The following MLIP variants were observed in gnomAD, a reference collection of about 807,000 sequenced individuals.
The protein encoded by MLIP is muscular LMNA interacting protein.
A neutral mutation model predicts 84.8 loss-of-function variants in MLIP; 79 were observed. The ratio of observed to expected loss-of-function variants is 0.93; its 90% CI spans 0.78 to 1.12. The LOEUF (loss-of-function observed/expected upper bound fraction) is 1.12, where lower values mean the gene tolerates loss of function less well. Ranked by LOEUF, MLIP falls within the 50% of genes most tolerant of loss-of-function variation. The pLI is 0.00. For synonymous variants in MLIP, 504 were observed against 463.0 expected (o/e 1.09, Z -1.14); for missense variants, 1,257 against 1,160.6 (o/e 1.08, Z -1.21).
chr6:54,128,765 AC>A (rs1453124337), intron 3 of MLIP, among the ~76,000 whole-genome samples: 2 of 152,094 alleles, frequency 1.3e-5, no homozygotes, highest in Non-Finnish European at 1.5e-5. Context: ...GAAATCATAA[AC>A]CTCAGTTTTC....
chr6:54,073,887 T>G (rs1766635637), intron 1 of MLIP, among the ~76,000 whole-genome samples: 1 of 152,202 alleles, frequency 6.6e-6, no homozygotes, highest in Non-Finnish European at 1.5e-5. Flanking sequence ...CTTATTATAT[T>G]TAATTACTTA....
chr6:54,063,048 A>G (rs1766058120), intron 1 of MLIP, among the ~76,000 whole-genome samples: 1 of 151,186 alleles, frequency 6.6e-6, no homozygotes, highest in Admixed American at 6.6e-5. Context: ...CTAAAAATAC[A>G]AAAAAAAATT....
At chr6:54,196,014 C>G (rs1001918833) in intron 10 of MLIP, among the ~76,000 whole-genome samples, 3 of 152,076 alleles carry the variant, frequency 2.0e-5, no homozygotes, top group Admixed American at 2.0e-4. Flanking sequence ...ACTCTTTCTT[C>G]TGAGGGTGAA....
intron 11 of MLIP, among the ~76,000 whole-genome samples, chr6:54,221,708 T>C (rs1780232183): frequency 1.8e-5 from 1 of 56,498 alleles, no homozygotes; most frequent in African/African-American, 5.6e-5. Flanking sequence ...TTGTTCAGTT[T>C]ATCATAGATC....
chr6:54,262,818 C>T (rs1005925956), intron 13 of MLIP, among the ~76,000 whole-genome samples: 18 of 152,102 alleles, frequency 1.2e-4, no homozygotes, highest in African/African-American at 4.3e-4. Context: ...GAAATCTCTC[C>T]CCTTATGCTC....
intron 11 of MLIP, among the ~76,000 whole-genome samples, chr6:54,208,051 C>T (rs1271119351): frequency 6.6e-6 from 1 of 151,858 alleles, no homozygotes; most frequent in African/African-American, 2.4e-5. Flanking sequence ...TGGCGTGAAC[C>T]CAGTAGGAGG....
chr6:54,163,148 A>G (rs1051231173), intron 8 of MLIP, among the ~76,000 whole-genome samples: 22 of 152,000 alleles, frequency 1.4e-4, no homozygotes, highest in African/African-American at 5.3e-4. Flanking sequence ...AGCATATATA[A>G]TCATTTCTTA....
intron 1 of MLIP, among the ~76,000 whole-genome samples, chr6:54,112,906 T>C (rs1292007519): frequency 6.6e-6 from 1 of 152,222 alleles, no homozygotes; most frequent in East Asian, 1.9e-4. Flanking sequence ...CTGAAAGTTA[T>C]AGCTGTCAAC....
At chr6:54,073,710 A>T (rs1369686791) in intron 1 of MLIP, among the ~76,000 whole-genome samples, 3 of 152,168 alleles carry the variant, frequency 2.0e-5, no homozygotes, top group African/African-American at 7.2e-5. Flanking sequence ...TGATCCTGAA[A>T]CAGACTTTGA....
intron 12 of MLIP, among the ~76,000 whole-genome samples, chr6:54,242,332 A>T (rs1781794447): frequency 6.6e-6 from 1 of 152,130 alleles, no homozygotes; most frequent in Non-Finnish European, 1.5e-5. Context: ...TTTATTTTCA[A>T]ATTTAGTACG....
At chr6:54,052,987 A>T (rs534844641) in intron 1 of MLIP, among the ~76,000 whole-genome samples, 5 of 152,286 alleles carry the variant, frequency 3.3e-5, no homozygotes, top group Admixed American at 3.3e-4. Flanking sequence ...GTAAATGAAT[A>T]AAAAATATGG....
At chr6:54,161,762 A>G (rs964283594) in intron 8 of MLIP, among the ~76,000 whole-genome samples, 6 of 151,966 alleles carry the variant, frequency 3.9e-5, no homozygotes, top group African/African-American at 1.4e-4. Context: ...AATTATTGTC[A>G]TATTAATTAT....
intron 4 of MLIP, among the ~76,000 whole-genome samples, chr6:54,143,939 A>C (rs1184005820): frequency 6.6e-6 from 1 of 152,174 alleles, no homozygotes; most frequent in Admixed American, 6.6e-5. Flanking sequence ...ATGAAACAAA[A>C]TTATGCATTT....
chr6:54,206,028 T>C (rs1046815680), intron 11 of MLIP, among the ~76,000 whole-genome samples: 4 of 152,144 alleles, frequency 2.6e-5, no homozygotes, highest in South Asian at 2.1e-4. Context: ...GCAAAATTCA[T>C]TGGACTAATG....
At position 54,137,919 on chromosome 6, in the gene MLIP, T is replaced by C. The variant is rs1349276751; in HGVS notation, c.1850T>C (p.Leu617Pro). 2.0e-6 allele frequency: 3 copies of C among 1,536,130 alleles called. No individual in the cohort carries two copies. In the South Asian group the frequency reaches 3.6e-5, roughly 18 times the overall value. The change falls in exon 4 of 14, where the codon CTT becomes CCT. Residue 617 changes from leucine to proline, a missense_variant. Transcript: ENST00000502396. ...AAATGTTTCCATCCTTCCCCAGCTC[T>C]TTCAAGCCTGATAAACAGATCTAAA... ...SEKCFHPSPA[L>P]SSLINRSKRA...
intron 4 of MLIP, among the ~76,000 whole-genome samples, chr6:54,140,734 A>G (rs1290123624): frequency 6.6e-6 from 1 of 152,190 alleles, no homozygotes; most frequent in Non-Finnish European, 1.5e-5. Context: ...TGAGTATAAA[A>G]AACTTATTAA....
At chr6:54,148,173 T>G (rs1365637396) in intron 4 of MLIP, among the ~76,000 whole-genome samples, 1 of 152,136 alleles carries the variant, frequency 6.6e-6, no homozygotes, top group African/African-American at 2.4e-5. Flanking sequence ...ATTTCCTCAC[T>G]GGTACTGGCC....
At chr6:54,176,721 C>G (rs1362400698) in intron 9 of MLIP, among the ~76,000 whole-genome samples, 1 of 151,378 alleles carries the variant, frequency 6.6e-6, no homozygotes, top group African/African-American at 2.4e-5. Flanking sequence ...CATATGAAAC[C>G]AAAAAAGAGC....
chr6:54,227,956 A>T (rs1243045545), intron 11 of MLIP, among the ~76,000 whole-genome samples: 3 of 152,002 alleles, frequency 2.0e-5, no homozygotes, highest in Admixed American at 2.0e-4. Context: ...GGCCGAGGCG[A>T]GCGGATCATG....
Sources: gnomAD v4.1 joint callset for allele counts (sites outside exome capture counted in the v4.1 genomes callset) on GRCh38, gnomAD v4.1.1 for gene constraint, MANE v1.5 for transcripts, NCBI Gene and HGNC (gene_info 2026-07-23, HGNC 2026-07-21) for gene names.